STON2: variants seen among roughly 807,000 people sequenced by gnomAD.
The protein encoded by STON2 is stonin-2.
STON2 carries 29 observed loss-of-function variants against 65.7 expected under a neutral mutation model. That is an observed-to-expected ratio of 0.44 (90% CI 0.33 to 0.60). The LOEUF is 0.60. Ranked by LOEUF, STON2 falls within the 20% of genes least tolerant of loss-of-function variation. The probability of loss-of-function intolerance (pLI) is 0.03; values close to 1 mark genes in which losing one functional copy is unlikely to be tolerated. For synonymous variants in STON2, 404 were observed against 414.2 expected, an observed-to-expected ratio of 0.98 and a Z score of 0.30; for missense variants, 1,054 against 1,118.1, an observed-to-expected ratio of 0.94 and a Z score of 0.82.
chr14:81,386,392 G>A (rs891634282), intron 3 of STON2, among the ~76,000 whole-genome samples: 9 of 151,826 alleles, frequency 5.9e-5, no homozygotes, highest in African/African-American at 1.2e-4. Context: ...AATTAACGGC[G>A]GGGCTAGTCT....
At chr14:81,396,761 G>T (rs1369650019) in intron 2 of STON2, among the ~76,000 whole-genome samples, 1 of 151,056 alleles carries the variant, frequency 6.6e-6, no homozygotes, top group Non-Finnish European at 1.5e-5. Flanking sequence ...TTTTTTTTTT[G>T]GAAATTAAAA....
At chr14:81,270,380 T>C in intron 7 of STON2, 4 of 1,373,928 alleles carry the variant, frequency 2.9e-6, no homozygotes, top group Non-Finnish European at 3.7e-6. Flanking sequence ...CCACTGTGCC[T>C]GGCCCCCATT....
chr14:81,314,917 T>C (rs1896563657), intron 5 of STON2, among the ~76,000 whole-genome samples: 1 of 152,174 alleles, frequency 6.6e-6, no homozygotes, highest in Non-Finnish European at 1.5e-5. Context: ...GTGGCATGGC[T>C]CACTGCAGCC....
chr14:81,283,692 G>A (rs541240894), intron 5 of STON2, among the ~76,000 whole-genome samples: 53 of 152,124 alleles, frequency 3.5e-4, no homozygotes, highest in Non-Finnish European at 5.1e-4. Context: ...CACCACGCCC[G>A]GCTAATTTTT....
At chr14:81,427,487 G>A (rs1595475192) in intron 1 of STON2, 1 of 152,268 alleles carries the variant, frequency 6.6e-6, no homozygotes, top group Non-Finnish European at 1.5e-5. Flanking sequence ...TCAGGAATCG[G>A]GAACTTAAAA....
chr14:81,351,861 A>G (rs1370534987), intron 4 of STON2, among the ~76,000 whole-genome samples: 1 of 152,202 alleles, frequency 6.6e-6, no homozygotes, highest in Non-Finnish European at 1.5e-5. Context: ...GGCATTAGGC[A>G]TTAGATCCAC....
chr14:81,294,806 A>G (rs751807773), intron 5 of STON2, among the ~76,000 whole-genome samples: 9 of 152,174 alleles, frequency 5.9e-5, no homozygotes, highest in East Asian at 1.9e-4. Context: ...TCATGGGAAC[A>G]TGAAATAATC....
At chr14:81,396,280 C>G in intron 2 of STON2, 102 bp from the exon 3 acceptor site, 1 of 1,088,170 alleles carries the variant, frequency 9.2e-7, no homozygotes, top group Non-Finnish European at 1.3e-6. Context: ...GCCCGCATGA[C>G]TCGCCACTGC....
intron 5 of STON2, among the ~76,000 whole-genome samples, chr14:81,294,970 T>TAG (rs1895702541): frequency 6.6e-6 from 1 of 152,230 alleles, no homozygotes; most frequent in East Asian, 1.9e-4. Context: ...TCCAAATCAA[T>TAG]CCTGCATTCC....
At chr14:81,340,186 A>C (rs1007971814) in intron 4 of STON2, among the ~76,000 whole-genome samples, 2 of 152,174 alleles carry the variant, frequency 1.3e-5, no homozygotes, top group Non-Finnish European at 2.9e-5. Flanking sequence ...GAGTAAAAGA[A>C]GCCAGGCAAA....
intron 4 of STON2, among the ~76,000 whole-genome samples, chr14:81,370,157 T>G (rs1898920214): frequency 6.6e-6 from 1 of 152,156 alleles, no homozygotes; most frequent in Non-Finnish European, 1.5e-5. Context: ...CATCCGAAGC[T>G]TAAAAATGAT....
rs779127476 is a variant in STON2 at position 81,372,162 on chromosome 14, G to GT, written c.374-978dup. On this transcript the variant is annotated intron_variant, in intron 3 of 7. Transcript: ENST00000614646. The stretch of plus-strand genomic sequence containing the variant: ...AGACTTTAAAAACTACTTTAGAAAG[G>GT]TTTTTTAAAGTCTTTCAAATTTGAA... Among the ~76,000 whole-genome samples the GT allele has an allele frequency of 3.9e-5, 6 of 152,268 alleles. No homozygotes were observed. The East Asian group carries it at 1.2e-3, about 29-fold the overall frequency.
At chr14:81,303,017 A>C (rs1896026293) in intron 5 of STON2, among the ~76,000 whole-genome samples, 1 of 151,734 alleles carries the variant, frequency 6.6e-6, no homozygotes, top group African/African-American at 2.4e-5. Context: ...TGTTAGACTG[A>C]TTATATGGAA....
At chr14:81,399,550 G>GA (rs1461353477) in intron 1 of STON2, among the ~76,000 whole-genome samples, 2 of 152,128 alleles carry the variant, frequency 1.3e-5, no homozygotes, top group East Asian at 3.8e-4. Context: ...CTCTAGGTGG[G>GA]AAAATCGGTA....
intron 4 of STON2, among the ~76,000 whole-genome samples, chr14:81,339,050 TA>T (rs1480374070): frequency 2.6e-5 from 4 of 151,198 alleles, no homozygotes; most frequent in African/African-American, 9.7e-5. Context: ...GGACATTCGA[TA>T]GAGGGAAGTG....
intron 5 of STON2, among the ~76,000 whole-genome samples, chr14:81,308,676 A>G (rs1896276407): frequency 6.6e-6 from 1 of 151,124 alleles, no homozygotes; most frequent in Admixed American, 6.6e-5. Context: ...GGAGGGAGCA[A>G]AGAAGAGAGG....
Position 81,267,000 on chromosome 14 carries a change from T to C in STON2, c.*1414A>G. ...TCTATATCCCAGTGTCAATACACAT[T>C]TAGACTCCAATGATTGTTCATTGAA... On this transcript the variant is annotated 3_prime_UTR_variant, in exon 8 of 8. Transcript: ENST00000614646. The C allele has an allele frequency of 1.0e-6, 1 of 985,422 alleles. No homozygotes were observed. The highest frequency in any genetic ancestry group is 4.7e-5 in the South Asian group (1 of 21,292). The allele number at this position is 985,422 out of a possible 1,614,324, so 61.0% of individuals were successfully genotyped here.
At chr14:81,386,537 C>A (rs541004845) in intron 3 of STON2, among the ~76,000 whole-genome samples, 1 of 152,190 alleles carries the variant, frequency 6.6e-6, no homozygotes, top group South Asian at 2.1e-4. Context: ...AATGGGAAGG[C>A]CTTAGCCCAA....
chr14:81,283,188 T>A (rs1000977006), intron 5 of STON2, among the ~76,000 whole-genome samples: 1 of 152,198 alleles, frequency 6.6e-6, no homozygotes, highest in Non-Finnish European at 1.5e-5. Flanking sequence ...TGGATTCTTT[T>A]AATGTTAGGC....
Sources: allele counts gnomAD v4.1 joint callset (sites outside exome capture counted in the v4.1 genomes callset), GRCh38; gene constraint gnomAD v4.1.1; transcripts MANE v1.5; gene names NCBI Gene and HGNC (gene_info 2026-07-23, HGNC 2026-07-21).